The following TOP2B variants were observed in gnomAD, a reference collection of about 807,000 sequenced individuals.
TOP2B encodes the protein DNA topoisomerase II beta.
A neutral mutation model predicts 193.5 loss-of-function variants in TOP2B; 51 were observed. The observed-to-expected ratio is 0.26, with a 90% CI of 0.21 to 0.33. The LOEUF (loss-of-function observed/expected upper bound fraction) is 0.33, where lower values mean the gene tolerates loss of function less well. TOP2B is among the 10% of genes least tolerant of loss of function. The probability of loss-of-function intolerance (pLI) is 1.00; values close to 1 mark genes in which losing one functional copy is unlikely to be tolerated. For synonymous variants in TOP2B, 634 were observed against 635.7 expected (o/e 1.00, Z 0.04); for missense variants, 1,378 against 1,909.3 (o/e 0.72, Z 5.19).
chr3:25,631,546 G>GT (rs1249594751), intron 10 of TOP2B, among the ~76,000 whole-genome samples: 3 of 152,008 alleles, frequency 2.0e-5, no homozygotes, highest in East Asian at 3.9e-4. Context: ...AGTCCTAAAA[G>GT]TTTTTTTATC....
At position 25,646,365 on chromosome 3, in the gene TOP2B, A is replaced by G. The variant is rs943955925; in HGVS notation, c.70-895T>C. 9.2e-5 allele frequency among the ~76,000 whole-genome samples: 14 copies of G among 152,336 alleles called. 1 individual carries two copies. In the Middle Eastern group the frequency reaches 0.01, roughly 111 times the overall value. On this transcript the variant is annotated intron_variant, in intron 1 of 35. Coordinates refer to ENST00000264331, the MANE Select transcript of TOP2B (RefSeq NM_001330700.2). ...TCACATATCAGCTCTGGGTGTCCCA[A>G]TACTGATCCCAGTTTCTCTACCAGT...
In TOP2B at chr3:25,615,296, A is replaced by G; in HGVS notation, c.3508-8T>C. 6.2e-7 allele frequency: 1 copy of G among 1,603,580 alleles called. No homozygotes were observed. Among genetic ancestry groups the G allele is most frequent in the African/African-American group, 1.3e-5 (1 of 74,398 alleles). The stretch of plus-strand genomic sequence containing the variant: ...ATCATTGACCTCTCGCCCCTATAAT[A>G]AAAAAGTACAGTTTAAACATTCAAT... On this transcript the variant is annotated splice_polypyrimidine_tract_variant and splice_region_variant and intron_variant, in intron 26 of 35. Transcript: ENST00000264331.
intron 27 of TOP2B, among the ~76,000 whole-genome samples, chr3:25,613,490 G>C (rs1702430352): frequency 6.6e-6 from 1 of 152,168 alleles, no homozygotes; most frequent in African/African-American, 2.4e-5. Context: ...CCAGCACTTT[G>C]TGAGGCTGAG....
intron 4 of TOP2B, among the ~76,000 whole-genome samples, 200 bp downstream of exon 4, chr3:25,642,122 T>C (rs181609908): frequency 6.6e-6 from 1 of 151,894 alleles, no homozygotes; most frequent in East Asian, 1.9e-4. Flanking sequence ...AGAAAAATGG[T>C]CTCCAAGAGC....
intron 2 of TOP2B, 37 bp downstream of exon 2, chr3:25,645,263 A>C (rs1703383230): frequency 5.5e-6 from 8 of 1,467,432 alleles, no homozygotes; most frequent in African/African-American, 1.4e-5. Flanking sequence ...ATATAGATGC[A>C]CATCTCCTAA....
At chr3:25,601,326 T>G (rs768949362) in intron 33 of TOP2B, 101 bp from the exon 34 acceptor site, 258 of 1,396,544 alleles carry the variant, frequency 1.8e-4, no homozygotes, top group Non-Finnish European at 2.3e-4. Flanking sequence ...GATTAGAAAC[T>G]GAGTTGCCTG....
chr3:25,615,586 C>T lies in TOP2B; in HGVS notation c.3352G>A (p.Ala1118Thr), dbSNP rs1213981610. ...TTTTGTGTTTCATCCTCTTCTGCTGCCTGTAAAAAATAACAAACTGTATAT... is the reference window on the plus strand; with the variant it reads ...TTTTGTGTTTCATCCTCTTCTGCTGTCTGTAAAAAATAACAAACTGTATAT... ...VKAWKEAQEK[A>T]AEEDETQNQH... Residue 1118 changes from alanine (A) to threonine (T), a missense_variant and splice_region_variant, in exon 26 of 36, where the codon GCA becomes ACA. By Grantham distance (58) the Ala-to-Thr change is moderately conservative. This residue lies in a region of TOP2B where 556 missense variants were observed against 584.2 expected (regional missense o/e 0.95). Transcript: ENST00000264331. The T allele has an allele frequency of 9.8e-6, 15 of 1,524,874 alleles. No homozygotes were observed. Among genetic ancestry groups the T allele is most frequent in the Non-Finnish European group, 1.3e-5 (15 of 1,139,448 alleles). 94.5% of individuals were successfully genotyped at this position (1,524,874 alleles called of 1,614,324 possible). A position where few individuals can be genotyped will look rare whatever the true frequency, so the allele number is the denominator to read the frequency against.
intron 34 of TOP2B, 60 bp from the exon 35 acceptor site, chr3:25,599,589 G>A: frequency 6.8e-7 from 1 of 1,466,938 alleles, no homozygotes; most frequent in Non-Finnish European, 9.4e-7. Flanking sequence ...AAAGATAAAT[G>A]CCACAACATT....
intron 23 of TOP2B, 85 bp downstream of exon 23, chr3:25,619,777 G>A (rs1229630293): frequency 2.7e-5 from 23 of 856,950 alleles, no homozygotes; most frequent in Middle Eastern, 6.8e-4. Context: ...GCTTACTATA[G>A]CCACTCCCAT....
chr3:25,604,943 C>G, intron 32 of TOP2B, 73 bp from the exon 33 acceptor site: 1 of 1,031,516 alleles, frequency 9.7e-7, no homozygotes, highest in Non-Finnish European at 1.5e-6. Flanking sequence ...ACTCTTTTAA[C>G]TGATGACTTC....
chr3:25,653,052 T>G (rs920919605), intron 1 of TOP2B, among the ~76,000 whole-genome samples: 1 of 152,078 alleles, frequency 6.6e-6, no homozygotes, highest in Non-Finnish European at 1.5e-5. Context: ...AAGAAATGAA[T>G]ACATTCCAAA....
chr3:25,610,183 CA>C (rs201683878), intron 28 of TOP2B, among the ~76,000 whole-genome samples: 1,452 of 133,558 alleles, frequency 0.011, 20 homozygotes, highest in Admixed American at 0.04. Context: ...AACTCTGTCT[CA>C]AAAAAAAAAA....
intron 6 of TOP2B, 82 bp from the exon 7 acceptor site, chr3:25,636,230 C>T (rs1703101486): frequency 1.2e-6 from 1 of 863,744 alleles, no homozygotes; most frequent in Non-Finnish European, 1.7e-6. Context: ...TAAATTCATT[C>T]ATTTATCAAA....
intron 4 of TOP2B, among the ~76,000 whole-genome samples, chr3:25,638,715 A>G (rs573813625): frequency 1.3e-5 from 2 of 152,160 alleles, no homozygotes; most frequent in African/African-American, 4.8e-5. Flanking sequence ...TCAAAAAAAA[A>G]AATCAACGTT....
At chr3:25,644,821 G>C (rs1455743415) in intron 2 of TOP2B, among the ~76,000 whole-genome samples, 1 of 151,746 alleles carries the variant, frequency 6.6e-6, no homozygotes, top group African/African-American at 2.4e-5. Flanking sequence ...TTGAGATGGA[G>C]TCTCGCCCTG....
intron 27 of TOP2B, among the ~76,000 whole-genome samples, chr3:25,613,941 C>G (rs1270457866): frequency 6.6e-6 from 1 of 152,092 alleles, no homozygotes; most frequent in African/African-American, 2.4e-5. Context: ...TAACCTCATT[C>G]ATTTGAAGTT....
At position 25,637,202 on chromosome 3, in the gene TOP2B, GTT is replaced by G. The variant is rs781259365; in HGVS notation, c.639+11_639+12del. The G allele has an allele frequency of 3.2e-5, 49 of 1,529,084 alleles. No individual in the cohort carries two copies. Among genetic ancestry groups the G allele is most frequent in the Non-Finnish European group, 4.3e-5 (49 of 1,127,868 alleles). The allele number at this position is 1,529,084 out of a possible 1,614,324, so 94.7% of individuals were successfully genotyped here. ...TTATTTTAAAAAAAGAAATAGATGT[GTT>G]TCTAGCATACCTGCTTAAAACTGTG... On this transcript the variant is annotated intron_variant, in intron 6 of 35. Transcript: ENST00000264331.
intron 1 of TOP2B, among the ~76,000 whole-genome samples, chr3:25,648,369 C>G (rs1402709604): frequency 6.6e-6 from 1 of 152,088 alleles, no homozygotes; most frequent in Non-Finnish European, 1.5e-5. Flanking sequence ...ATTACAAACC[C>G]AAAGAGGATG....
chr3:25,664,877 T>C lies in TOP2B; in HGVS notation c.-580A>G. On this transcript the variant is annotated 5_prime_UTR_variant, in exon 1 of 36. Transcript: ENST00000264331. ...CGCCGCCGCCGCCGCCACGGTCACC[T>C]CCCTCTTGTCCGGCATAACACCGCA... The C allele has an allele frequency of 2.0e-6, 2 of 988,730 alleles. No individual in the cohort carries two copies. Among genetic ancestry groups the C allele is most frequent in the Non-Finnish European group, 1.2e-6 (1 of 832,458 alleles). 61.2% of individuals were successfully genotyped at this position (988,730 alleles called of 1,614,324 possible).
Sources: allele counts gnomAD v4.1 joint callset (sites outside exome capture counted in the v4.1 genomes callset), GRCh38; gene constraint gnomAD v4.1.1; regional missense constraint gnomAD v4.1.1; transcripts MANE v1.5; gene names NCBI Gene and HGNC (gene_info 2026-07-23, HGNC 2026-07-21).